The following SHANK2 variants were observed in gnomAD, a reference collection of about 807,000 sequenced individuals.
SHANK2 encodes the protein SH3 and multiple ankyrin repeat domains 2, also known as SH3 and multiple ankyrin repeat domains protein 2.
Under a neutral mutation model 133.7 loss-of-function variants are expected in SHANK2, and 43 were observed. That is an observed-to-expected ratio of 0.32 (90% CI 0.25 to 0.41). SHANK2 has a LOEUF of 0.41. Ranked by LOEUF, SHANK2 falls within the 10% of genes least tolerant of loss-of-function variation. The pLI is 1.00. For synonymous variants in SHANK2, 1,017 were observed against 952.8 expected (o/e 1.07, Z -1.24); for missense variants, 1,994 against 2,235.8 (o/e 0.89, Z 2.18).
intron 15 of SHANK2, among the ~76,000 whole-genome samples, chr11:70,679,334 C>T (rs1048482790): frequency 3.9e-5 from 6 of 152,260 alleles, no homozygotes; most frequent in African/African-American, 1.4e-4. Context: ...GGCATCCAAC[C>T]CCCGAGGCCA....
At chr11:71,076,182 G>T (rs928601565) in intron 8 of SHANK2, among the ~76,000 whole-genome samples, 1 of 152,146 alleles carries the variant, frequency 6.6e-6, no homozygotes, top group Non-Finnish European at 1.5e-5. Context: ...CACACTGCTC[G>T]ACATGGTGGC....
chr11:71,167,510 C>T (rs1348085364), intron 2 of SHANK2, among the ~76,000 whole-genome samples: 4 of 129,448 alleles, frequency 3.1e-5, no homozygotes, highest in African/African-American at 6.2e-5. Flanking sequence ...CGCCCCTCAC[C>T]TCCCAGACAG....
At chr11:70,526,353 C>A (rs1321390471) in intron 17 of SHANK2, among the ~76,000 whole-genome samples, 1 of 152,232 alleles carries the variant, frequency 6.6e-6, no homozygotes. Flanking sequence ...TTTCTCCTGA[C>A]AAGAGACCAC....
At chr11:70,593,233 C>T (rs1220523107) in intron 17 of SHANK2, among the ~76,000 whole-genome samples, 3 of 152,202 alleles carry the variant, frequency 2.0e-5, no homozygotes, top group Non-Finnish European at 4.4e-5. Context: ...CAGCAGTCTC[C>T]ACGCAGTTCT....
rs1320303322 is a variant in SHANK2 at position 70,948,819 on chromosome 11, AT to A, written c.1108-52253del. On this transcript the variant is annotated intron_variant, in intron 10 of 25. Coordinates refer to ENST00000601538, the MANE Select transcript of SHANK2 (RefSeq NM_012309.5). ...TTTTCAAGAGAAGCTGGAAAGCTGA[AT>A]TTTTTAATGAAATTCCTGGAAGTTT... Among the ~76,000 whole-genome samples, 8 of 152,328 alleles carry A rather than the reference AT, an allele frequency of 5.3e-5. No homozygotes were observed. In the East Asian group the frequency reaches 1.2e-3, roughly 22 times the overall value.
At chr11:70,924,800 A>C (rs1278917480) in intron 10 of SHANK2, among the ~76,000 whole-genome samples, 5 of 152,148 alleles carry the variant, frequency 3.3e-5, no homozygotes, top group African/African-American at 1.2e-4. Flanking sequence ...TTATTATCTC[A>C]TTAGGCACCA....
chr11:71,058,154 C>A (rs920376342), intron 9 of SHANK2, among the ~76,000 whole-genome samples: 2 of 152,132 alleles, frequency 1.3e-5, no homozygotes, highest in African/African-American at 4.8e-5. Context: ...CTCAGCCTCC[C>A]GAAGTGCTGG....
At chr11:71,070,187 C>G (rs1375395568) in intron 9 of SHANK2, among the ~76,000 whole-genome samples, 2 of 152,106 alleles carry the variant, frequency 1.3e-5, no homozygotes, top group Non-Finnish European at 2.9e-5. Flanking sequence ...GTGGTTTGGA[C>G]CAGCTTCTTT....
At chr11:70,575,988 G>C (rs2136201404) in intron 17 of SHANK2, among the ~76,000 whole-genome samples, 1 of 152,160 alleles carries the variant, frequency 6.6e-6, no homozygotes, top group Non-Finnish European at 1.5e-5. Context: ...CCTGAGCATT[G>C]AGAGTCAGGA....
intron 11 of SHANK2, among the ~76,000 whole-genome samples, chr11:70,847,716 G>T (rs570881973): frequency 6.6e-6 from 1 of 152,138 alleles, no homozygotes; most frequent in South Asian, 2.1e-4. Context: ...AGTCTACCAC[G>T]CAAACTCTCC....
intron 8 of SHANK2, among the ~76,000 whole-genome samples, chr11:71,076,206 C>T (rs1309253324): frequency 6.6e-6 from 1 of 152,146 alleles, no homozygotes; most frequent in Non-Finnish European, 1.5e-5. Flanking sequence ...AACCTTGGAC[C>T]TGGAGAAAAG....
At chr11:71,171,389 G>A (rs1590985059) in intron 2 of SHANK2, among the ~76,000 whole-genome samples, 1 of 152,186 alleles carries the variant, frequency 6.6e-6, no homozygotes, top group African/African-American at 2.4e-5. Flanking sequence ...GCACCCGAGG[G>A]GAAGCGGCTG....
chr11:71,196,363 G>A lies in SHANK2; in HGVS notation c.-13+28334C>T, dbSNP rs1403739678. Among the ~76,000 whole-genome samples, 6 of 151,936 alleles carry A rather than the reference G, an allele frequency of 3.9e-5. No individual in the cohort carries two copies. In the South Asian group the frequency reaches 6.3e-4, roughly 16 times the overall value. On this transcript the variant is annotated intron_variant, in intron 2 of 25. Transcript: ENST00000601538. Reference sequence around the variant, plus strand: ...TGCAGTGGCATGATCTTGGCTCACCGCAACCTCTGCCTCCTGGGCTCAAGC... The same window carrying A: ...TGCAGTGGCATGATCTTGGCTCACCACAACCTCTGCCTCCTGGGCTCAAGC...
intron 3 of SHANK2, among the ~76,000 whole-genome samples, chr11:71,133,994 T>A (rs1252564697): frequency 6.6e-6 from 1 of 151,284 alleles, no homozygotes; most frequent in Non-Finnish European, 1.5e-5. Flanking sequence ...CTGAGCCTTC[T>A]GAGTAGCTGG....
At chr11:70,803,949 C>G (rs1226819740) in intron 13 of SHANK2, among the ~76,000 whole-genome samples, 2 of 152,112 alleles carry the variant, frequency 1.3e-5, no homozygotes, top group East Asian at 3.9e-4. Flanking sequence ...CTGGGAACGT[C>G]AACCCCTTCC....
intron 17 of SHANK2, among the ~76,000 whole-genome samples, chr11:70,556,393 T>TCTC (rs1565126799): frequency 1.3e-3 from 16 of 11,976 alleles, no homozygotes; most frequent in African/African-American, 3.1e-3. Context: ...CTTTCTTTCT[T>TCTC]TCTCTCTCTC....
At chr11:71,225,967 A>G (rs1954634754) in intron 1 of SHANK2, among the ~76,000 whole-genome samples, 1 of 152,304 alleles carries the variant, frequency 6.6e-6, no homozygotes, top group Non-Finnish European at 1.5e-5. Context: ...TACTAAAAAT[A>G]CAAAACTTAG....
At chr11:70,495,674 C>T (rs1328472981) in intron 21 of SHANK2, among the ~76,000 whole-genome samples, 4 of 152,232 alleles carry the variant, frequency 2.6e-5, no homozygotes, top group Non-Finnish European at 4.4e-5. Flanking sequence ...CGGGCCCCTC[C>T]TCTGACCCCA....
intron 14 of SHANK2, among the ~76,000 whole-genome samples, chr11:70,704,345 G>A (rs1945612399): frequency 6.6e-6 from 1 of 152,254 alleles, no homozygotes; most frequent in Non-Finnish European, 1.5e-5. Flanking sequence ...GCTGCACTGC[G>A]TGGCTAAGAA....
Sources: gnomAD v4.1 joint callset for allele counts (sites outside exome capture counted in the v4.1 genomes callset) on GRCh38, gnomAD v4.1.1 for gene constraint, MANE v1.5 for transcripts, NCBI Gene and HGNC (gene_info 2026-07-23, HGNC 2026-07-21) for gene names.